Variants in OTUD7B observed in about 807,000 individuals in gnomAD.
The protein encoded by OTUD7B is OTU deubiquitinase 7B, also known as OTU domain-containing protein 7B.
Under a neutral mutation model 82.2 loss-of-function variants are expected in OTUD7B, and 34 were observed. The ratio of observed to expected loss-of-function variants is 0.41; its 90% CI spans 0.31 to 0.55. The LOEUF (loss-of-function observed/expected upper bound fraction) is 0.55, where lower values mean the gene tolerates loss of function less well. Among genes scored for constraint, OTUD7B ranks in the 20% least tolerant of loss-of-function variants. The pLI is 0.20. For missense variants in OTUD7B, 944 were observed against 1,062.1 expected (o/e 0.89, Z 1.55); for synonymous variants, 398 against 402.7 (o/e 0.99, Z 0.14).
chr1:150,013,685 G>C (rs1381182561), upstream of OTUD7B, among the ~76,000 whole-genome samples: 1 of 151,684 alleles, frequency 6.6e-6, no homozygotes, highest in Non-Finnish European at 1.5e-5. Context: ...CACTTTGGGA[G>C]GCTGAGGCAG....
intron 1 of OTUD7B, among the ~76,000 whole-genome samples, chr1:149,988,122 A>G (rs996250284): frequency 3.3e-5 from 5 of 151,910 alleles, no homozygotes; most frequent in Non-Finnish European, 5.9e-5. Flanking sequence ...CACCCTGCAT[A>G]CTTCTGGGTT....
chr1:150,039,557 T>C, the OTUD7B span, among the ~76,000 whole-genome samples: 1 of 152,226 alleles, frequency 6.6e-6, no homozygotes, highest in East Asian at 1.9e-4. Flanking sequence ...TTTGTATTTT[T>C]AATAGAGACA....
Position 149,939,575 on chromosome 1 carries a change from G to T in OTUD7B, c.*4282C>A, listed in dbSNP as rs1571567511. 1 of 152,208 alleles carries T rather than the reference G, an allele frequency of 6.6e-6. No homozygotes were observed. Among genetic ancestry groups the T allele is most frequent in the Non-Finnish European group, 1.5e-5 (1 of 68,068 alleles). The allele number at this position is 152,208 out of a possible 1,614,324, so 9.4% of individuals were successfully genotyped here. ...TGCAGGTGATTCCAGGCCGGGAAGG[G>T]GCTTCTAATTCTGTCTTCTCACCTG... On this transcript the variant is annotated 3_prime_UTR_variant, in exon 12 of 12. Coordinates refer to ENST00000581312, the MANE Select transcript of OTUD7B (RefSeq NM_020205.4).
rs148592650 is a variant in OTUD7B, at chr1:149,978,706, T to C, written c.-66-1130A>G. The stretch of plus-strand genomic sequence containing the variant: ...TGAAAAAGATCTCTTCTTTCAGACT[T>C]TGGCAGAAACTATGTCCCTAACCTG... On this transcript the variant is annotated intron_variant, in intron 1 of 11. Coordinates refer to ENST00000581312, the MANE Select transcript of OTUD7B (RefSeq NM_020205.4). 5.3e-5 allele frequency among the ~76,000 whole-genome samples: 8 copies of C among 152,292 alleles called. No homozygotes were observed. The East Asian group carries it at 1.3e-3, about 26-fold the overall frequency.
the OTUD7B span, among the ~76,000 whole-genome samples, chr1:150,023,233 G>T: frequency 3.9e-5 from 6 of 152,178 alleles, no homozygotes; most frequent in Non-Finnish European, 5.9e-5. Flanking sequence ...CAGTGTGGAG[G>T]TTCCTCAAAA....
rs781912267 is a variant in OTUD7B at position 149,949,733 on chromosome 1, A to G, written c.1019T>C (p.Val340Ala). Residue 340 changes from valine to alanine, a missense_variant, in exon 9 of 12, where the codon GTC becomes GCC. Coordinates refer to ENST00000581312, the MANE Select transcript of OTUD7B (RefSeq NM_020205.4). ...GGAGCGGTGACACTGGCTGGCTGGG[A>G]CCTCCAAAGGCAGATAGATTCCTCC... is the stretch of plus-strand genomic sequence containing the variant. Reference protein sequence around the residue: ...PFGGIYLPLEVPASQCHRSPL... With the variant: ...PFGGIYLPLEAPASQCHRSPL... 4 of 1,614,110 alleles carry G rather than the reference A, an allele frequency of 2.5e-6. No homozygotes were observed. The South Asian group carries it at 4.4e-5, about 18-fold the overall frequency.
At chr1:150,063,939 A>C in the OTUD7B span, among the ~76,000 whole-genome samples, 1 of 152,194 alleles carries the variant, frequency 6.6e-6, no homozygotes. Flanking sequence ...ATTATGATGG[A>C]GCAGGTCAAA....
chr1:149,989,140 A>G (rs1553781471), intron 1 of OTUD7B, among the ~76,000 whole-genome samples: 1 of 152,146 alleles, frequency 6.6e-6, no homozygotes, highest in Non-Finnish European at 1.5e-5. Flanking sequence ...TGGTAAATTA[A>G]TTTCCCTCAG....
chr1:149,950,405 G>A (rs587723044), intron 7 of OTUD7B, among the ~76,000 whole-genome samples, 184 bp from the exon 8 acceptor site: 5 of 152,090 alleles, frequency 3.3e-5, no homozygotes, highest in South Asian at 2.1e-4. Flanking sequence ...TTCTACCTCC[G>A]TTTTCACAGA....
the OTUD7B span, chr1:150,067,214 G>C: frequency 6.6e-6 from 1 of 152,264 alleles, no homozygotes; most frequent in Non-Finnish European, 1.5e-5. Flanking sequence ...ATGCCCCTCT[G>C]TCTTGGGAAA....
Position 149,948,991 on chromosome 1 carries a change from T to A in OTUD7B, c.1216A>T (p.Ser406Cys). 1.2e-6 allele frequency: 2 copies of A among 1,612,838 alleles called. No homozygotes were observed. The highest frequency in any genetic ancestry group is 1.7e-6 in the Non-Finnish European group (2 of 1,178,830). The part of the protein sequence containing the change: ...GKGWEWGKDD[S>C]DNVRLASVIL... ...TACCTGGCCAATCGGACATTGTCAC[T>A]ATCATCTTTGCCCCACTCCCAGCCC... Residue 406 changes from serine (S) to cysteine (C), a missense_variant, in exon 10 of 12, where the codon AGT (serine) becomes TGT (cysteine). Physicochemically the swap from Ser to Cys is moderately radical, Grantham distance 112. Coordinates refer to ENST00000581312, the MANE Select transcript of OTUD7B (RefSeq NM_020205.4).
At chr1:150,004,114 T>C (rs1159696667) in intron 1 of OTUD7B, among the ~76,000 whole-genome samples, 1 of 152,014 alleles carries the variant, frequency 6.6e-6, no homozygotes, top group Non-Finnish European at 1.5e-5. Flanking sequence ...AGTCTCTTTT[T>C]CACTCTTTCC....
At chr1:150,008,386 C>T (rs1469434959) in intron 1 of OTUD7B, among the ~76,000 whole-genome samples, 9 of 152,100 alleles carry the variant, frequency 5.9e-5, no homozygotes, top group African/African-American at 2.2e-4. Context: ...CAAATTAAGT[C>T]GTTTTTTAAA....
chr1:150,048,024 A>G, the OTUD7B span: 4 of 152,262 alleles, frequency 2.6e-5, no homozygotes, highest in Non-Finnish European at 4.4e-5. Context: ...CATTCACATA[A>G]TAACTACACA....
chr1:150,013,995 T>TAC (rs1260199281), upstream of OTUD7B, among the ~76,000 whole-genome samples: 1 of 127,110 alleles, frequency 7.9e-6, no homozygotes, highest in African/African-American at 2.8e-5. Context: ...CACACATATA[T>TAC]ACACACATAT....
intron 1 of OTUD7B, among the ~76,000 whole-genome samples, chr1:149,992,233 A>G (rs1436906904): frequency 6.6e-6 from 1 of 152,138 alleles, no homozygotes; most frequent in Non-Finnish European, 1.5e-5. Flanking sequence ...CAAAATAAGA[A>G]AATCATGAAG....
intron 2 of OTUD7B, 76 bp downstream of exon 2, chr1:149,977,350 A>T (rs1484347774): frequency 5.7e-6 from 6 of 1,061,650 alleles, no homozygotes; most frequent in Non-Finnish European, 8.9e-6. Flanking sequence ...TGATCACCTT[A>T]AATGGTCCAA....
At chr1:150,054,344 G>C in the OTUD7B span, 2 of 524,278 alleles carry the variant, frequency 3.8e-6, no homozygotes, top group South Asian at 2.9e-5. Context: ...GGGCAAGAGG[G>C]TGATTTTCCT....
intron 7 of OTUD7B, among the ~76,000 whole-genome samples, chr1:149,953,952 A>C (rs1648466340): frequency 6.6e-6 from 1 of 152,180 alleles, no homozygotes; most frequent in Admixed American, 6.5e-5. Flanking sequence ...TTGGGCTAAG[A>C]CAGTGGGGTT....
Sources: allele counts gnomAD v4.1 joint callset (sites outside exome capture counted in the v4.1 genomes callset), GRCh38; gene constraint gnomAD v4.1.1; transcripts MANE v1.5; gene names NCBI Gene and HGNC (gene_info 2026-07-23, HGNC 2026-07-21).